LOC128125814: variants seen among roughly 807,000 people sequenced by gnomAD.
At chr12:57,518,994 C>T in the LOC128125814 span, among the ~76,000 whole-genome samples, 15 of 152,270 alleles carry the variant, frequency 9.9e-5, no homozygotes, top group African/African-American at 3.4e-4. Context: ...TTTTTAAAAC[C>T]TTTGCTTAGA....
chr12:57,518,890 C>G, the LOC128125814 span, among the ~76,000 whole-genome samples: 4 of 152,154 alleles, frequency 2.6e-5, no homozygotes, highest in Admixed American at 2.6e-4. Flanking sequence ...AACTCCTGAC[C>G]TCAGGTGATC....
the LOC128125814 span, among the ~76,000 whole-genome samples, chr12:57,518,093 T>C: frequency 6.6e-6 from 1 of 152,158 alleles, no homozygotes; most frequent in South Asian, 2.1e-4. Flanking sequence ...GCTGGGATTA[T>C]AGGCATGAGC....
the LOC128125814 span, among the ~76,000 whole-genome samples, chr12:57,518,197 T>C: frequency 5.0e-3 from 759 of 152,298 alleles, 7 homozygotes; most frequent in African/African-American, 0.016. Context: ...TTGGTCCCTG[T>C]AGCCATTTCG....
the LOC128125814 span, among the ~76,000 whole-genome samples, chr12:57,517,970 G>T: frequency 6.6e-6 from 1 of 152,062 alleles, no homozygotes; most frequent in Non-Finnish European, 1.5e-5. Context: ...GGGACTACAG[G>T]CGCGTGCCAC....
At chr12:57,520,083 G>A in the LOC128125814 span, among the ~76,000 whole-genome samples, 1 of 152,212 alleles carries the variant, frequency 6.6e-6, no homozygotes, top group African/African-American at 2.4e-5. Flanking sequence ...TTAGAGCGGG[G>A]GTGTGTCCTG....
the LOC128125814 span, chr12:57,519,273 C>G: frequency 1.9e-6 from 1 of 518,210 alleles, no homozygotes. Context: ...AATTCCTGAC[C>G]ACCTGATGTA....
chr12:57,517,820 CTTTTTT>C, the LOC128125814 span: 7 of 425,174 alleles, frequency 1.6e-5, no homozygotes, highest in African/African-American at 6.3e-5. Flanking sequence ...TTTTCTTTTT[CTTTTTT>C]TCTTTCTTTT....
the LOC128125814 span, chr12:57,519,020 C>T: frequency 1.9e-6 from 1 of 515,424 alleles, no homozygotes; most frequent in East Asian, 5.5e-5. Context: ...CTAAACACTT[C>T]TAATTCCATT....
chr12:57,518,519 A>C, the LOC128125814 span, among the ~76,000 whole-genome samples: 53 of 152,226 alleles, frequency 3.5e-4, no homozygotes, highest in Non-Finnish European at 6.8e-4. Context: ...ACTATGTGCA[A>C]AGGCAAACTC....
chr12:57,517,832 CTTTTTTTTTTTTT>C, the LOC128125814 span: 3 of 384,560 alleles, frequency 7.8e-6, no homozygotes, highest in East Asian at 1.1e-4. Context: ...TTTTTTCTTT[CTTTTTTTTTTTTT>C]GAGACCAAGT....
chr12:57,520,260 G>C, the LOC128125814 span, among the ~76,000 whole-genome samples: 4 of 152,192 alleles, frequency 2.6e-5, no homozygotes, highest in African/African-American at 9.7e-5. Flanking sequence ...CGAAGCAATA[G>C]GGGTTTGTAA....
At chr12:57,519,901 TTG>T in the LOC128125814 span, among the ~76,000 whole-genome samples, 1 of 152,190 alleles carries the variant, frequency 6.6e-6, no homozygotes, top group Non-Finnish European at 1.5e-5. Flanking sequence ...TCCCAAAGGC[TTG>T]TGTCTCCTCA....
the LOC128125814 span, chr12:57,519,129 A>G: frequency 1.9e-6 from 1 of 532,964 alleles, no homozygotes; most frequent in Non-Finnish European, 3.8e-6. Flanking sequence ...ACCCCTCCGC[A>G]ACTCTATTCA....
the LOC128125814 span, chr12:57,519,114 T>C: frequency 8.1e-5 from 43 of 532,428 alleles, no homozygotes; most frequent in South Asian, 6.0e-4. Context: ...ATTTCTTCTC[T>C]TGCCACCCCT....
the LOC128125814 span, chr12:57,519,074 A>C: frequency 3.8e-6 from 2 of 529,214 alleles, no homozygotes; most frequent in Admixed American, 3.9e-5. Flanking sequence ...AAATTACTGC[A>C]GAAACTTTCT....
At chr12:57,518,064 ATCCATCGC>A in the LOC128125814 span, among the ~76,000 whole-genome samples, 1 of 151,978 alleles carries the variant, frequency 6.6e-6, no homozygotes, top group African/African-American at 2.4e-5. Flanking sequence ...TAACCTTGTG[ATCCATCGC>A]TTCCCAAAGT....
the LOC128125814 span, among the ~76,000 whole-genome samples, chr12:57,519,621 TG>T: frequency 6.6e-6 from 1 of 152,170 alleles, no homozygotes; most frequent in East Asian, 1.9e-4. Context: ...TTCCAGTGTG[TG>T]GGACTTGGCT....
At chr12:57,519,557 T>C in the LOC128125814 span, among the ~76,000 whole-genome samples, 2 of 152,192 alleles carry the variant, frequency 1.3e-5, no homozygotes, top group South Asian at 2.1e-4. Flanking sequence ...AGATGCAATA[T>C]TGCCCGAAGT....
the LOC128125814 span, chr12:57,517,714 A>C: frequency 1.8e-6 from 1 of 559,474 alleles, no homozygotes; most frequent in Non-Finnish European, 3.2e-6. Flanking sequence ...ACCTGCTTTC[A>C]GGTGTGGTGA....
Sources: gnomAD v4.1 joint callset for allele counts (sites outside exome capture counted in the v4.1 genomes callset) on GRCh38, gnomAD v4.1.1 for gene constraint, MANE v1.5 for transcripts.